LTBP1: variants seen among roughly 807,000 people sequenced by gnomAD.
LTBP1 encodes latent transforming growth factor beta binding protein 1.
A neutral mutation model predicts 207.6 loss-of-function variants in LTBP1; 129 were observed. The observed-to-expected ratio is 0.62, with a 90% CI of 0.54 to 0.72. The LOEUF (loss-of-function observed/expected upper bound fraction) is 0.72. Ranked by LOEUF, LTBP1 falls within the 30% of genes least tolerant of loss-of-function variation. The pLI, the probability that LTBP1 is intolerant of heterozygous loss-of-function variation, is 0.00. For missense variants in LTBP1, 2,281 were observed against 2,217.2 expected (o/e 1.03, Z -0.58); for synonymous variants, 963 against 833.7 (o/e 1.16, Z -2.67).
chr2:33,206,317 T>G (rs1329802540), intron 7 of LTBP1, among the ~76,000 whole-genome samples: 2 of 152,224 alleles, frequency 1.3e-5, no homozygotes, highest in Non-Finnish European at 2.9e-5. Flanking sequence ...AACTGAAAGC[T>G]TAACCAAATG....
chr2:33,108,610 G>T (rs924482883), intron 3 of LTBP1, among the ~76,000 whole-genome samples: 1 of 152,044 alleles, frequency 6.6e-6, no homozygotes, highest in Non-Finnish European at 1.5e-5. Context: ...TACTTTTCTG[G>T]CTGTGGTTGG....
At chr2:32,996,846 C>G (rs1229624814) in intron 2 of LTBP1, among the ~76,000 whole-genome samples, 1 of 152,134 alleles carries the variant, frequency 6.6e-6, no homozygotes, top group African/African-American at 2.4e-5. Flanking sequence ...GCCACACTGC[C>G]TCCCGCACTG....
At chr2:33,152,478 C>A (rs1278836051) in intron 5 of LTBP1, among the ~76,000 whole-genome samples, 1 of 152,148 alleles carries the variant, frequency 6.6e-6, no homozygotes, top group Non-Finnish European at 1.5e-5. Flanking sequence ...GGAATGCAAA[C>A]TAGTATAGCC....
At chr2:33,197,801 A>G (rs1036171028) in intron 7 of LTBP1, among the ~76,000 whole-genome samples, 1 of 152,296 alleles carries the variant, frequency 6.6e-6, no homozygotes, top group African/African-American at 2.4e-5. Flanking sequence ...GAACCTGCCC[A>G]CTGCCTCGTT....
At chr2:33,013,396 A>G (rs1389376569) in intron 2 of LTBP1, among the ~76,000 whole-genome samples, 1 of 150,054 alleles carries the variant, frequency 6.7e-6, no homozygotes, top group Non-Finnish European at 1.5e-5. Flanking sequence ...TCTTTTTTTC[A>G]TTTTTTGATT....
chr2:33,044,061 C>G (rs1558554732), intron 3 of LTBP1, among the ~76,000 whole-genome samples: 3 of 151,360 alleles, frequency 2.0e-5, no homozygotes, highest in African/African-American at 7.3e-5. Flanking sequence ...CTTCAAAAGC[C>G]TTTAAAAATG....
chr2:32,947,716 T>A lies in LTBP1; in HGVS notation c.392T>A (p.Phe131Tyr), dbSNP rs887608674. The change falls in exon 1 of 34, where the codon TTC (phenylalanine) becomes TAC (tyrosine). Residue 131 changes from phenylalanine to tyrosine, a missense_variant. Phe to Tyr is a conservative substitution (Grantham distance 22, BLOSUM62 3). Around this residue, in one of 3 missense-constraint regions of LTBP1, gnomAD observed 555 missense variants for 491.0 expected, o/e 1.13. Coordinates refer to ENST00000404816, the MANE Select transcript of LTBP1 (RefSeq NM_206943.4). ...GGCGGCCACCCGGCAGCCGCCCCGT[T>A]CACCAAACAAGGCAGGCAAGTTGTG... ...NPGGHPAAAP[F>Y]TKQGRQVVRS... is the part of the protein sequence containing the mutation. 1.3e-5 allele frequency: 20 copies of A among 1,534,598 alleles called. No homozygotes were observed. The highest frequency in any genetic ancestry group is 2.0e-5 in the Admixed American group (1 of 50,368).
chr2:33,371,915 C>T (rs1574056103), intron 31 of LTBP1, among the ~76,000 whole-genome samples: 1 of 152,156 alleles, frequency 6.6e-6, no homozygotes, highest in South Asian at 2.1e-4. Flanking sequence ...GGTGTCCCAC[C>T]CAGCACGTGG....
At chr2:33,105,288 G>T (rs1420689449) in intron 3 of LTBP1, among the ~76,000 whole-genome samples, 2 of 152,110 alleles carry the variant, frequency 1.3e-5, no homozygotes, top group Non-Finnish European at 2.9e-5. Flanking sequence ...CTATACCTTA[G>T]TCTATTAAGT....
chr2:33,228,803 G>A (rs890219431), intron 9 of LTBP1, among the ~76,000 whole-genome samples: 3 of 147,536 alleles, frequency 2.0e-5, no homozygotes, highest in Admixed American at 7.0e-5. Context: ...GGGTTCAAGC[G>A]ATTCCCCTGC....
intron 4 of LTBP1, among the ~76,000 whole-genome samples, chr2:33,122,052 G>A (rs991851528): frequency 6.7e-6 from 1 of 148,294 alleles, no homozygotes; most frequent in Non-Finnish European, 1.5e-5. Flanking sequence ...CACACATCTT[G>A]TCATGGCTTC....
Position 32,947,360 on chromosome 2 carries a change from C to T in LTBP1, c.36C>T (p.Leu12=). 3 of 1,306,874 alleles carry T rather than the reference C, an allele frequency of 2.3e-6. No homozygotes were observed. The highest frequency in any genetic ancestry group is 2.9e-6 in the Non-Finnish European group (3 of 1,029,982). 81.0% of individuals were successfully genotyped at this position (1,306,874 alleles called of 1,614,324 possible). The change falls in exon 1 of 34, where the codon CTC becomes CTT. Residue 12 remains leucine, a synonymous_variant. Coordinates refer to ENST00000404816, the MANE Select transcript of LTBP1 (RefSeq NM_206943.4). ...CCTGGCTCAGGTGGGGGCTCCTGCTCTGGGCAGGGCTCCTCGCGTCCTCGG... is the reference window on the plus strand; with the variant it reads ...CCTGGCTCAGGTGGGGGCTCCTGCTTTGGGCAGGGCTCCTCGCGTCCTCGG... ...AGAWLRWGLL[L]WAGLLASSAH...
At chr2:32,981,868 T>C (rs219139) in intron 2 of LTBP1, among the ~76,000 whole-genome samples, 102,294 of 152,096 alleles carry the variant, frequency 0.67, 35,892 homozygotes, top group Non-Finnish European at 0.79. Flanking sequence ...GCCTCCCCAG[T>C]CATGTGGAAC....
chr2:33,011,590 T>C (rs762823638), intron 2 of LTBP1, among the ~76,000 whole-genome samples: 5 of 152,044 alleles, frequency 3.3e-5, no homozygotes, highest in Admixed American at 6.6e-5. Context: ...ACTCTGCTGA[T>C]GCATTGACCT....
chr2:33,363,267 T>C, intron 28 of LTBP1, 123 bp from the exon 29 acceptor site: 1 of 938,252 alleles, frequency 1.1e-6, no homozygotes, highest in Non-Finnish European at 1.6e-6. Context: ...GCTGTTTGTG[T>C]AGGATTCTTT....
At chr2:33,280,268 C>G (rs555190389) in intron 19 of LTBP1, 110 bp downstream of exon 19, 7 of 1,132,720 alleles carry the variant, frequency 6.2e-6, no homozygotes, top group Non-Finnish European at 8.3e-6. Context: ...AAAATGAAAT[C>G]TTACATCATT....
intron 7 of LTBP1, among the ~76,000 whole-genome samples, chr2:33,200,714 T>G (rs1428455216): frequency 6.6e-6 from 1 of 152,092 alleles, no homozygotes; most frequent in Non-Finnish European, 1.5e-5. Flanking sequence ...AGAAAATTTT[T>G]GCAACCTACT....
chr2:33,234,390 G>A (rs1042167455), intron 9 of LTBP1, among the ~76,000 whole-genome samples: 10 of 151,930 alleles, frequency 6.6e-5, no homozygotes, highest in African/African-American at 2.4e-4. Flanking sequence ...CATTCAGGGT[G>A]GTATGGCTAT....
chr2:33,077,993 G>C (rs1297665713), intron 3 of LTBP1, among the ~76,000 whole-genome samples: 2 of 152,134 alleles, frequency 1.3e-5, no homozygotes, highest in Admixed American at 1.3e-4. Context: ...TAGATTTTGA[G>C]GTTGAGTGGC....
Sources: gnomAD v4.1 joint callset for allele counts (sites outside exome capture counted in the v4.1 genomes callset) on GRCh38, gnomAD v4.1.1 for gene constraint, gnomAD v4.1.1 regional missense constraint, MANE v1.5 for transcripts, NCBI Gene and HGNC (gene_info 2026-07-23, HGNC 2026-07-21) for gene names.